Variants in CPVL observed in about 807,000 individuals in gnomAD.
CPVL encodes the protein probable serine carboxypeptidase CPVL.
A neutral mutation model predicts 63.7 loss-of-function variants in CPVL; 51 were observed. The ratio of observed to expected loss-of-function variants is 0.80; its 90% CI spans 0.64 to 1.01. The LOEUF is 1.01. Among genes scored for constraint, CPVL ranks in the 50% least tolerant of loss-of-function variants. The pLI is 0.00. For synonymous variants in CPVL, 195 were observed against 206.0 expected (o/e 0.95, Z 0.46); for missense variants, 530 against 573.1 (o/e 0.92, Z 0.77).
At chr7:29,128,916 C>T (rs1790379037) in intron 1 of CPVL, among the ~76,000 whole-genome samples, 1 of 151,896 alleles carries the variant, frequency 6.6e-6, no homozygotes, top group South Asian at 2.1e-4. Flanking sequence ...CGGGCACAGT[C>T]AATAGGGGAG....
rs774430947 is a variant in CPVL at position 29,064,162 on chromosome 7, T to C, written c.1036A>G (p.Asn346Asp). 1.2e-6 allele frequency: 2 copies of C among 1,612,732 alleles called. No individual in the cohort carries two copies. The highest frequency in any genetic ancestry group is 2.2e-5 in the South Asian group (2 of 91,040). ...ATAGTTCCATCATTAAAAGTCTGAT[T>C]CCCCACGTGGATGGCTTGTCTCACC... The part of the protein sequence containing the change: ...PEVRQAIHVG[N>D]QTFNDGTIVE... The change falls in exon 11 of 13, where the codon AAT (asparagine) becomes GAT (aspartate). Residue 346 changes from asparagine to aspartate, a missense_variant. Asn to Asp is a conservative substitution (Grantham distance 23). Coordinates refer to ENST00000265394, the MANE Select transcript of CPVL (RefSeq NM_031311.5).
chr7:29,101,330 G>A (rs1455059284), intron 3 of CPVL, among the ~76,000 whole-genome samples: 1 of 152,244 alleles, frequency 6.6e-6, no homozygotes, highest in African/African-American at 2.4e-5. Context: ...GCTGGGCGCG[G>A]TGGCTCATGC....
At chr7:29,064,940 G>A (rs63480860) in intron 10 of CPVL, among the ~76,000 whole-genome samples, 3 of 5,388 alleles carry the variant, frequency 5.6e-4, no homozygotes, top group South Asian at 0.013. Flanking sequence ...AAAAAAAACC[G>A]CACACACACA....
At chr7:29,102,818 GAA>G (rs1287239770) in intron 3 of CPVL, among the ~76,000 whole-genome samples, 1 of 152,176 alleles carries the variant, frequency 6.6e-6, no homozygotes, top group East Asian at 1.9e-4. Flanking sequence ...CAGAAAGAGA[GAA>G]GTTATCTATT....
At chr7:29,079,401 G>C (rs1038786707) in intron 7 of CPVL, among the ~76,000 whole-genome samples, 18 of 152,150 alleles carry the variant, frequency 1.2e-4, no homozygotes, top group African/African-American at 4.3e-4. Flanking sequence ...TTCCAATGCT[G>C]GCTCCTCCAC....
At chr7:29,194,193 A>T (rs1326346612) in intron 1 of CPVL, 1 of 34,816 alleles carries the variant, frequency 2.9e-5, no homozygotes, top group South Asian at 9.5e-4. Context: ...CTTCCCCCAC[A>T]CCCTCCCTCC....
chr7:29,089,880 G>T (rs1322353942), intron 6 of CPVL, among the ~76,000 whole-genome samples: 7 of 143,282 alleles, frequency 4.9e-5, no homozygotes, highest in Non-Finnish European at 7.6e-5. Flanking sequence ...TTTTTTAATT[G>T]AGATGGAGTT....
intron 11 of CPVL, 95 bp downstream of exon 11, chr7:29,063,966 T>C (rs981523821): frequency 1.9e-5 from 13 of 692,340 alleles, no homozygotes; most frequent in Admixed American, 3.2e-5. Context: ...TCATAAAAGT[T>C]AAAAAAAAAA....
At chr7:29,066,377 A>T (rs779711889) in intron 9 of CPVL, among the ~76,000 whole-genome samples, 1 of 152,208 alleles carries the variant, frequency 6.6e-6, no homozygotes, top group Non-Finnish European at 1.5e-5. Flanking sequence ...TTTCTAAGTA[A>T]ATTATATCAT....
chr7:29,130,902 A>C (rs1378351160), intron 1 of CPVL, among the ~76,000 whole-genome samples: 2 of 152,248 alleles, frequency 1.3e-5, no homozygotes, highest in African/African-American at 2.4e-5. Context: ...AGATTGCTTC[A>C]TAATGGATTT....
intron 7 of CPVL, among the ~76,000 whole-genome samples, chr7:29,082,048 T>C (rs751776463): frequency 2.0e-5 from 3 of 152,348 alleles, no homozygotes; most frequent in South Asian, 2.1e-4. Flanking sequence ...TTTTTGAAGA[T>C]GGCTCTACAA....
intron 1 of CPVL, among the ~76,000 whole-genome samples, chr7:29,126,043 CAATT>C (rs997396829): frequency 1.1e-4 from 16 of 152,290 alleles, no homozygotes; most frequent in African/African-American, 3.4e-4. Context: ...CCACCGTTAA[CAATT>C]AAACTGTTAT....
At chr7:29,151,657 T>C (rs245892) in intron 5 of CPVL, among the ~76,000 whole-genome samples, 85,314 of 152,048 alleles carry the variant, frequency 0.56, 24,782 homozygotes, top group African/African-American at 0.72. Flanking sequence ...AACCTGCCAG[T>C]GTGCTCAGGA....
intron 1 of CPVL, chr7:29,194,987 T>C (rs140466343): frequency 3.8e-6 from 6 of 1,586,860 alleles, no homozygotes; most frequent in Non-Finnish European, 5.1e-6. Flanking sequence ...GTCGGTGTCC[T>C]CCGGTGAGTT....
At chr7:29,128,099 T>A (rs1226847857) in intron 1 of CPVL, 1 of 151,916 alleles carries the variant, frequency 6.6e-6, no homozygotes, top group Non-Finnish European at 1.5e-5. Flanking sequence ...ATGGGGTGGC[T>A]GTGACACCCC....
upstream of CPVL, among the ~76,000 whole-genome samples, chr7:29,148,901 G>A (rs558111173): frequency 3.9e-4 from 59 of 152,224 alleles, no homozygotes; most frequent in African/African-American, 1.3e-3. Flanking sequence ...TGCCCGAAGA[G>A]CCAGGGGAAT....
At chr7:29,106,777 C>T (rs2128624666) in intron 3 of CPVL, among the ~76,000 whole-genome samples, 1 of 152,286 alleles carries the variant, frequency 6.6e-6, no homozygotes. Context: ...CACAAGATCT[C>T]ACAGCCACAG....
chr7:29,037,330 G>T lies in CPVL; in HGVS notation c.1138-6571C>A, dbSNP rs200774909. Reference sequence around the variant, plus strand: ...GAGGCCGAGGTGGGCGGATCACAAGGTCAGGAGATGGAGACCATCCTGGCT... The same window carrying T: ...GAGGCCGAGGTGGGCGGATCACAAGTTCAGGAGATGGAGACCATCCTGGCT... On this transcript the variant is annotated intron_variant, in intron 11 of 12. Coordinates refer to ENST00000265394, the MANE Select transcript of CPVL (RefSeq NM_031311.5). Among the ~76,000 whole-genome samples the T allele has an allele frequency of 1.7e-4, 26 of 151,942 alleles. 1 individual carries two copies. The East Asian group carries it at 4.7e-3, about 27-fold the overall frequency.
chr7:29,097,649 T>C (rs1212589158), intron 3 of CPVL, among the ~76,000 whole-genome samples: 3 of 152,236 alleles, frequency 2.0e-5, no homozygotes, highest in Admixed American at 6.5e-5. Flanking sequence ...TGAGCTGAGA[T>C]AGCACCACTG....
Sources: allele counts gnomAD v4.1 joint callset (sites outside exome capture counted in the v4.1 genomes callset), GRCh38; gene constraint gnomAD v4.1.1; transcripts MANE v1.5; gene names NCBI Gene and HGNC (gene_info 2026-07-23, HGNC 2026-07-21).